ADARB2: variants seen among roughly 807,000 people sequenced by gnomAD.
ADARB2 encodes adenosine deaminase RNA specific B2 (inactive).
ADARB2 carries 25 observed loss-of-function variants against 62.2 expected under a neutral mutation model. That is an observed-to-expected ratio of 0.40 (90% CI 0.29 to 0.56). ADARB2 has a LOEUF of 0.56. Among genes scored for constraint, ADARB2 ranks in the 20% least tolerant of loss-of-function variants. ADARB2 has a pLI of 0.43. For missense variants in ADARB2, 1,071 were observed against 1,077.4 expected (o/e 0.99, Z 0.08); for synonymous variants, 572 against 500.8 (o/e 1.14, Z -1.90).
At chr10:1,478,026 G>A (rs999176037) in intron 1 of ADARB2, among the ~76,000 whole-genome samples, 7 of 152,094 alleles carry the variant, frequency 4.6e-5, no homozygotes, top group African/African-American at 1.2e-4. Context: ...TGAAAAACCC[G>A]ACTGCAGCAA....
intron 4 of ADARB2, among the ~76,000 whole-genome samples, chr10:1,258,764 T>A (rs984963017): frequency 2.6e-5 from 4 of 152,060 alleles, no homozygotes; most frequent in African/African-American, 9.7e-5. Flanking sequence ...AACAAGGATA[T>A]CCAGGAATTG....
chr10:1,269,578 G>T (rs1295099269), intron 4 of ADARB2, among the ~76,000 whole-genome samples: 1 of 152,256 alleles, frequency 6.6e-6, no homozygotes, highest in Non-Finnish European at 1.5e-5. Context: ...TGAGAGAACA[G>T]AGTCCCAGCG....
At chr10:1,499,230 G>A (rs115724260) in intron 1 of ADARB2, among the ~76,000 whole-genome samples, 2,995 of 149,788 alleles carry the variant, frequency 0.02, 85 homozygotes, top group African/African-American at 0.069. Context: ...CTCATCATTC[G>A]CTCATTACTC....
At chr10:1,275,047 C>T (rs1831302320) in intron 3 of ADARB2, among the ~76,000 whole-genome samples, 1 of 152,238 alleles carries the variant, frequency 6.6e-6, no homozygotes, top group Non-Finnish European at 1.5e-5. Context: ...TACCCCTGCC[C>T]TAGGCTCCCA....
chr10:1,219,706 G>GTGGTGA (rs1830665098), intron 6 of ADARB2, among the ~76,000 whole-genome samples: 1 of 152,076 alleles, frequency 6.6e-6, no homozygotes, highest in Non-Finnish European at 1.5e-5. Context: ...GGTAATGGTG[G>GTGGTGA]TGGTGATGGT....
intron 8 of ADARB2, among the ~76,000 whole-genome samples, chr10:1,192,690 G>A (rs1336551460): frequency 2.0e-5 from 3 of 152,210 alleles, no homozygotes; most frequent in Non-Finnish European, 4.4e-5. Flanking sequence ...GGTGGCTTAC[G>A]CCTGTAATCC....
intron 1 of ADARB2, among the ~76,000 whole-genome samples, chr10:1,659,328 C>G (rs1003177701): frequency 2.0e-5 from 3 of 152,206 alleles, no homozygotes; most frequent in Non-Finnish European, 4.4e-5. Context: ...CCCCGGGCTC[C>G]TCTGCTGCTC....
intron 1 of ADARB2, among the ~76,000 whole-genome samples, chr10:1,563,876 C>T (rs901463397): frequency 2.1e-5 from 3 of 146,066 alleles, no homozygotes; most frequent in Admixed American, 6.9e-5. Flanking sequence ...TGAGAATATG[C>T]GGTGTTTGGT....
At chr10:1,272,686 C>T (rs1831274441) in intron 3 of ADARB2, among the ~76,000 whole-genome samples, 1 of 152,228 alleles carries the variant, frequency 6.6e-6, no homozygotes, top group Non-Finnish European at 1.5e-5. Context: ...TGCTGTGAGC[C>T]TGGAGTCTTC....
chr10:1,281,624 G>T (rs1831372184), intron 3 of ADARB2, among the ~76,000 whole-genome samples: 1 of 152,222 alleles, frequency 6.6e-6, no homozygotes, highest in Non-Finnish European at 1.5e-5. Context: ...GCACCGAGGG[G>T]TGCACAGAGA....
Position 1,390,061 on chromosome 10 carries a change from A to G in ADARB2, c.101-10901T>C, listed in dbSNP as rs574546147. On this transcript the variant is annotated intron_variant, in intron 1 of 9. Transcript: ENST00000381312. ...GGAGATATTCCAAATGCCCATCAAG[A>G]GAAGAATGGATACATTAATTGTGGT... Among the ~76,000 whole-genome samples, 12 of 152,376 alleles carry G rather than the reference A, an allele frequency of 7.9e-5. 1 individual carries two copies. In the South Asian group the frequency reaches 2.5e-3, roughly 32 times the overall value.
chr10:1,385,630 C>A (rs1242013398), intron 1 of ADARB2, among the ~76,000 whole-genome samples: 1 of 151,990 alleles, frequency 6.6e-6, no homozygotes, highest in African/African-American at 2.4e-5. Flanking sequence ...AAGTGACAGA[C>A]TCAACGATCT....
rs1053531336 is a variant in ADARB2, at chr10:1,204,283, A to G, written c.1683-4136T>C. 3.9e-5 allele frequency among the ~76,000 whole-genome samples: 6 copies of G among 152,144 alleles called. No homozygotes were observed. In the South Asian group the frequency reaches 1.2e-3, roughly 32 times the overall value. On this transcript the variant is annotated intron_variant, in intron 7 of 9. Coordinates refer to ENST00000381312, the MANE Select transcript of ADARB2 (RefSeq NM_018702.4). Reference sequence around the variant, plus strand: ...TAGAAGCCAACAGCCTTTTGACTCAATAACACACCTGCTAGGAATTCACCC... The same window carrying G: ...TAGAAGCCAACAGCCTTTTGACTCAGTAACACACCTGCTAGGAATTCACCC...
At chr10:1,190,159 A>G (rs1240459315) in intron 8 of ADARB2, among the ~76,000 whole-genome samples, 2 of 151,454 alleles carry the variant, frequency 1.3e-5, no homozygotes, top group Admixed American at 6.6e-5. Flanking sequence ...AGAAAACATG[A>G]GCATCAGCAG....
rs60956446 is a variant in ADARB2, at chr10:1,391,766, A to ATTTTTT, written c.101-12612_101-12607dup. 4.4e-3 allele frequency among the ~76,000 whole-genome samples: 403 copies of ATTTTTT among 91,644 alleles called. 5 individuals are homozygous for ATTTTTT. Among genetic ancestry groups the ATTTTTT allele is most frequent in the Middle Eastern group, 9.6e-3 (1 of 104 alleles). The allele number at this position is 91,644 out of a possible 152,430, so 60.1% of individuals were successfully genotyped here. ...AACTGCCAGGATGTCTAAGAATTGG[A>ATTTTTT]TTTTTTTTTTTTTTTTTTTTTTTTG... On this transcript the variant is annotated intron_variant, in intron 1 of 9. Coordinates refer to ENST00000381312, the MANE Select transcript of ADARB2 (RefSeq NM_018702.4).
intron 1 of ADARB2, among the ~76,000 whole-genome samples, chr10:1,391,696 T>C (rs576206456): frequency 6.6e-6 from 1 of 151,220 alleles, no homozygotes; most frequent in Non-Finnish European, 1.5e-5. Flanking sequence ...TCATGTGAAA[T>C]AACACATTGG....
intron 1 of ADARB2, among the ~76,000 whole-genome samples, chr10:1,470,482 C>T (rs957566252): frequency 6.6e-6 from 1 of 152,174 alleles, no homozygotes; most frequent in African/African-American, 2.4e-5. Context: ...TTATACTTAG[C>T]AAAATGAAAA....
chr10:1,601,121 C>A (rs376051889), intron 1 of ADARB2, among the ~76,000 whole-genome samples: 56 of 152,342 alleles, frequency 3.7e-4, no homozygotes, highest in African/African-American at 1.2e-3. Flanking sequence ...ACCGGCTGCT[C>A]AGAACAGAAA....
intron 1 of ADARB2, among the ~76,000 whole-genome samples, chr10:1,533,885 C>T (rs951820254): frequency 9.2e-5 from 14 of 152,130 alleles, no homozygotes. Flanking sequence ...TCACCACACA[C>T]GCATTCCTAG....
Sources: allele counts gnomAD v4.1 joint callset (sites outside exome capture counted in the v4.1 genomes callset), GRCh38; gene constraint gnomAD v4.1.1; transcripts MANE v1.5; gene names NCBI Gene and HGNC (gene_info 2026-07-23, HGNC 2026-07-21).